Variants in CUX2 observed in about 807,000 individuals in gnomAD.
The protein encoded by CUX2 is homeobox protein cut-like 2.
A neutral mutation model predicts 144.8 loss-of-function variants in CUX2; 40 were observed. The observed-to-expected ratio is 0.28, with a 90% CI of 0.21 to 0.36. The LOEUF (loss-of-function observed/expected upper bound fraction) is 0.36, where lower values mean the gene tolerates loss of function less well. Ranked by LOEUF, CUX2 falls within the 10% of genes least tolerant of loss-of-function variation. The pLI is 1.00. For missense variants in CUX2, 1,615 were observed against 1,994.0 expected, an observed-to-expected ratio of 0.81 and a Z score of 3.62; for synonymous variants, 827 against 875.6, an observed-to-expected ratio of 0.94 and a Z score of 0.98.
At chr12:111,180,719 G>A (rs1208710042) in intron 1 of CUX2, among the ~76,000 whole-genome samples, 3 of 152,148 alleles carry the variant, frequency 2.0e-5, no homozygotes, top group African/African-American at 7.2e-5. Context: ...AGCTGTGGTG[G>A]CCCCATGCCT....
At chr12:111,323,219 C>T (rs1887621028) in intron 18 of CUX2, among the ~76,000 whole-genome samples, 1 of 152,212 alleles carries the variant, frequency 6.6e-6, no homozygotes, top group South Asian at 2.1e-4. Flanking sequence ...GAGAGGACAT[C>T]AGACCTGCCC....
rs78497645 is a variant in CUX2, at chr12:111,093,975, C to T, written c.63+59735C>T. 2.6e-4 allele frequency among the ~76,000 whole-genome samples: 40 copies of T among 152,256 alleles called. No individual in the cohort carries two copies. In the East Asian group the frequency reaches 4.4e-3, roughly 17 times the overall value. ...ATTGATGTTTATCTATAGTCGTTCG[C>T]GCCAGCAAGGAGGGGAAAAATGCAT... On this transcript the variant is annotated intron_variant, in intron 1 of 21. Coordinates refer to ENST00000261726, the MANE Select transcript of CUX2 (RefSeq NM_015267.4).
intron 3 of CUX2, among the ~76,000 whole-genome samples, chr12:111,220,373 AG>A (rs1449594881): frequency 6.6e-6 from 1 of 152,032 alleles, no homozygotes; most frequent in East Asian, 1.9e-4. Context: ...GATGGGTTTC[AG>A]GGTTTTTTTT....
In CUX2 at chr12:111,304,561, C is replaced by G. The variant is rs1296994235; in HGVS notation, c.858+247C>G. 2.0e-5 allele frequency among the ~76,000 whole-genome samples: 3 copies of G among 152,120 alleles called. No homozygotes were observed. Among genetic ancestry groups the G allele is most frequent in the African/African-American group, 7.2e-5 (3 of 41,426 alleles). ...TTTTCAAGCCCACGTTTCCATATAC[C>G]CTTTATTACCAGGAGTTCCAGTATC... On this transcript the variant is annotated intron_variant, in intron 10 of 21. Coordinates refer to ENST00000261726, the MANE Select transcript of CUX2 (RefSeq NM_015267.4). The surrounding 1 kb of genome is among the most constrained non-coding windows in gnomAD (Gnocchi z 4.7).
In CUX2 at chr12:111,307,352, C is replaced by T; in HGVS notation, c.1109+95C>T. ...ATCATCTTCCTCCCTCCTACTAAACCCCATTTGTTCTTCTCTCCACTAACA... is the reference window on the plus strand; with the variant it reads ...ATCATCTTCCTCCCTCCTACTAAACTCCATTTGTTCTTCTCTCCACTAACA... On this transcript the variant is annotated intron_variant, in intron 12 of 21. Coordinates refer to ENST00000261726, the MANE Select transcript of CUX2 (RefSeq NM_015267.4). This position sits in a 1 kb window ranked among gnomAD's most constrained non-coding sequence, Gnocchi z 4.1. The T allele has an allele frequency of 2.7e-6, 3 of 1,123,598 alleles. No homozygotes were observed. Among genetic ancestry groups the T allele is most frequent in the Non-Finnish European group, 3.9e-6 (3 of 770,816 alleles). 69.6% of individuals were successfully genotyped at this position (1,123,598 alleles called of 1,614,324 possible).
At chr12:111,102,333 C>T (rs572752166) in intron 1 of CUX2, among the ~76,000 whole-genome samples, 3 of 152,310 alleles carry the variant, frequency 2.0e-5, no homozygotes, top group South Asian at 2.1e-4. Context: ...GCTCTCCCTC[C>T]GAGGGAGGAT....
chr12:111,074,536 C>G (rs1397725949), intron 1 of CUX2, among the ~76,000 whole-genome samples: 1 of 152,038 alleles, frequency 6.6e-6, no homozygotes, highest in Non-Finnish European at 1.5e-5. Flanking sequence ...CCTGGGACCC[C>G]TCTGCCTGTG....
chr12:111,154,155 C>T (rs1432154769), intron 1 of CUX2, among the ~76,000 whole-genome samples: 2 of 151,920 alleles, frequency 1.3e-5, no homozygotes, highest in Non-Finnish European at 2.9e-5. Context: ...CAGCTCTTAG[C>T]ACCCCACAGA....
chr12:111,175,359 T>TTA (rs1878782790), intron 1 of CUX2, among the ~76,000 whole-genome samples: 1 of 147,062 alleles, frequency 6.8e-6, no homozygotes, highest in South Asian at 2.1e-4. Context: ...TTTTTTTTTT[T>TTA]TTACACTTTT....
At chr12:111,105,968 G>A (rs1171999517) in intron 1 of CUX2, among the ~76,000 whole-genome samples, 1 of 150,448 alleles carries the variant, frequency 6.6e-6, no homozygotes, top group African/African-American at 2.4e-5. Flanking sequence ...GGGCTCAAGT[G>A]ATACTCCCAT....
chr12:111,145,553 T>A (rs1439201404), intron 1 of CUX2, among the ~76,000 whole-genome samples: 2 of 152,096 alleles, frequency 1.3e-5, no homozygotes, highest in Admixed American at 6.5e-5. Flanking sequence ...ACTATAGAGA[T>A]GGCGGTCTCC....
chr12:111,177,531 C>T (rs1051991057), intron 1 of CUX2, among the ~76,000 whole-genome samples: 1 of 152,188 alleles, frequency 6.6e-6, no homozygotes, highest in Non-Finnish European at 1.5e-5. Flanking sequence ...GCTGGGACTA[C>T]AGGTACGCGC....
At chr12:111,063,913 G>A (rs1048167273) in intron 1 of CUX2, among the ~76,000 whole-genome samples, 14 of 152,230 alleles carry the variant, frequency 9.2e-5, no homozygotes, top group South Asian at 6.2e-4. Context: ...ACGCTGTCGA[G>A]GAGCGAGGCA....
At chr12:111,206,751 T>C (rs1488625312) in intron 1 of CUX2, among the ~76,000 whole-genome samples, 1 of 152,214 alleles carries the variant, frequency 6.6e-6, no homozygotes, top group African/African-American at 2.4e-5. Context: ...ATTGGGTACC[T>C]GGATGCTGGA....
intron 4 of CUX2, among the ~76,000 whole-genome samples, chr12:111,286,277 C>A (rs1242671439): frequency 6.6e-6 from 1 of 152,190 alleles, no homozygotes; most frequent in Non-Finnish European, 1.5e-5. Context: ...CTCTGCACAC[C>A]TTCTCTCCCC....
chr12:111,137,208 T>C (rs1189161040), intron 1 of CUX2, among the ~76,000 whole-genome samples: 1 of 152,010 alleles, frequency 6.6e-6, no homozygotes, highest in Non-Finnish European at 1.5e-5. Context: ...GTGCTGGGAT[T>C]ACAGGCATGA....
intron 18 of CUX2, among the ~76,000 whole-genome samples, chr12:111,328,984 T>TCTCTCCCTCC (rs1592975212): frequency 1.1e-5 from 1 of 93,062 alleles, no homozygotes; most frequent in South Asian, 4.8e-4. Flanking sequence ...TCCCCCTCTC[T>TCTCTCCCTCC]CCCTCTCTCC....
At chr12:111,256,771 C>T (rs975696721) in intron 3 of CUX2, among the ~76,000 whole-genome samples, 1 of 152,178 alleles carries the variant, frequency 6.6e-6, no homozygotes, top group Non-Finnish European at 1.5e-5. Flanking sequence ...TTTCTTTCTT[C>T]CTCTGTAGAA....
intron 1 of CUX2, among the ~76,000 whole-genome samples, chr12:111,173,432 T>C (rs978519533): frequency 1.3e-5 from 2 of 152,382 alleles, no homozygotes; most frequent in Non-Finnish European, 2.9e-5. Context: ...CATTCATTCA[T>C]GTGCTCATGC....
Sources: gnomAD v4.1 joint callset for allele counts (sites outside exome capture counted in the v4.1 genomes callset) on GRCh38, gnomAD v4.1.1 for gene constraint, Gnocchi (gnomAD v3.1) non-coding constraint, MANE v1.5 for transcripts, NCBI Gene and HGNC (gene_info 2026-07-23, HGNC 2026-07-21) for gene names.